GRB10: variants seen among roughly 807,000 people sequenced by gnomAD.
GRB10 encodes growth factor receptor bound protein 10.
A neutral mutation model predicts 80.9 loss-of-function variants in GRB10; 20 were observed. That is an observed-to-expected ratio of 0.25 (90% CI 0.17 to 0.36). GRB10 has a LOEUF of 0.36. Among genes scored for constraint, GRB10 ranks in the 10% least tolerant of loss-of-function variants. The pLI is 1.00. For synonymous variants in GRB10, 291 were observed against 291.5 expected (o/e 1.00, Z 0.02); for missense variants, 548 against 747.7 (o/e 0.73, Z 3.12).
chr7:50,697,322 G>A lies in GRB10; in HGVS notation c.139+6499C>T, dbSNP rs545811108. Among the ~76,000 whole-genome samples, 9 of 152,242 alleles carry A rather than the reference G, an allele frequency of 5.9e-5. 1 individual carries two copies. In the East Asian group the frequency reaches 1.2e-3, roughly 20 times the overall value. On this transcript the variant is annotated intron_variant, in intron 5 of 18. Coordinates refer to ENST00000401949, the MANE Select transcript of GRB10 (RefSeq NM_001350814.2). Reference sequence around the variant, plus strand: ...GTTTTATATATTTTTAATAAAGAAAGGTTTTTTCAAAATCGTCAAAAGTAA... The same window carrying A: ...GTTTTATATATTTTTAATAAAGAAAAGTTTTTTCAAAATCGTCAAAAGTAA...
Position 50,689,820 on chromosome 7 carries a change from T to A in GRB10, c.139+14001A>T, listed in dbSNP as rs148918720. Among the ~76,000 whole-genome samples, 163 of 152,214 alleles carry A rather than the reference T, an allele frequency of 1.1e-3. 1 individual carries two copies. The highest frequency in any genetic ancestry group is 3.7e-3 in the African/African-American group (155 of 41,550). ...TTCTGTAGCAAATGACAGAGGGTTT[T>A]TTTTTTTATTTTTTACTTGTAATCT... On this transcript the variant is annotated intron_variant, in intron 5 of 18. Coordinates refer to ENST00000401949, the MANE Select transcript of GRB10 (RefSeq NM_001350814.2).
rs150523117 is a variant in GRB10, at chr7:50,656,662, C to G, written c.504+13060G>C. On this transcript the variant is annotated intron_variant, in intron 7 of 18. Transcript: ENST00000401949. The stretch of plus-strand genomic sequence containing the variant: ...CCACCTGGGACACAGAGTTCCACCC[C>G]TGCTGGGGAAGGCAGGCTTCCAAAG... 3.3e-3 allele frequency among the ~76,000 whole-genome samples: 504 copies of G among 152,374 alleles called. 1 individual carries two copies. Among genetic ancestry groups the G allele is most frequent in the African/African-American group, 0.011 (469 of 41,592 alleles).
chr7:50,679,530 ATGT>A (rs2153646773), intron 5 of GRB10, among the ~76,000 whole-genome samples: 1 of 152,328 alleles, frequency 6.6e-6, no homozygotes, highest in South Asian at 2.1e-4. Context: ...ACATAAGGAC[ATGT>A]TATTTGCACC....
chr7:50,651,095 T>C (rs1380323355), intron 7 of GRB10, among the ~76,000 whole-genome samples: 1 of 152,236 alleles, frequency 6.6e-6, no homozygotes, highest in Non-Finnish European at 1.5e-5. Context: ...AATTAATTAT[T>C]CAACTATATA....
At chr7:50,757,285 G>A (rs143694610) in intron 2 of GRB10, among the ~76,000 whole-genome samples, 25 of 152,280 alleles carry the variant, frequency 1.6e-4, no homozygotes, top group African/African-American at 5.8e-4. Context: ...TCTCTCTCAC[G>A]GAGCTTTTAT....
At chr7:50,624,364 G>A (rs569400333) in intron 8 of GRB10, among the ~76,000 whole-genome samples, 3 of 152,328 alleles carry the variant, frequency 2.0e-5, no homozygotes, top group East Asian at 3.9e-4. Context: ...CCTTTCCAAC[G>A]GGGATAAAGC....
At chr7:50,743,569 G>A (rs913153536) in intron 3 of GRB10, among the ~76,000 whole-genome samples, 1 of 152,202 alleles carries the variant, frequency 6.6e-6, no homozygotes, top group African/African-American at 2.4e-5. Context: ...CGATGAGAAA[G>A]AATCCAAGTA....
chr7:50,757,872 A>G (rs142757262), intron 2 of GRB10, among the ~76,000 whole-genome samples: 56 of 152,322 alleles, frequency 3.7e-4, no homozygotes, highest in African/African-American at 1.3e-3. Flanking sequence ...CCACTTCCCA[A>G]GGCATCTTCA....
At chr7:50,693,322 T>C (rs2063050428) in intron 5 of GRB10, among the ~76,000 whole-genome samples, 1 of 152,224 alleles carries the variant, frequency 6.6e-6, no homozygotes, top group South Asian at 2.1e-4. Flanking sequence ...CACTAAGAAA[T>C]TGGTGCTTCT....
intron 7 of GRB10, among the ~76,000 whole-genome samples, chr7:50,649,540 C>T (rs1190986400): frequency 6.6e-6 from 1 of 152,164 alleles, no homozygotes; most frequent in African/African-American, 2.4e-5. Context: ...ACTGTACACC[C>T]CACAGGGGAG....
intron 2 of GRB10, among the ~76,000 whole-genome samples, chr7:50,770,149 G>A (rs529644679): frequency 1.3e-5 from 2 of 152,274 alleles, no homozygotes; most frequent in East Asian, 1.9e-4. Flanking sequence ...AGACTCAGGC[G>A]ACTGAAGCTA....
intron 8 of GRB10, among the ~76,000 whole-genome samples, chr7:50,624,741 T>C (rs2153588769): frequency 6.6e-6 from 1 of 152,268 alleles, no homozygotes; most frequent in South Asian, 2.1e-4. Context: ...GAAAGAAAAC[T>C]GAGGAAGGAG....
intron 13 of GRB10, among the ~76,000 whole-genome samples, chr7:50,611,790 G>T (rs2049577456): frequency 6.6e-6 from 1 of 152,158 alleles, no homozygotes; most frequent in African/African-American, 2.4e-5. Flanking sequence ...CAGCTCAAAG[G>T]CCACTACAGT....
chr7:50,706,818 G>C (rs1202161845), intron 4 of GRB10, among the ~76,000 whole-genome samples: 3 of 152,120 alleles, frequency 2.0e-5, no homozygotes, highest in Non-Finnish European at 4.4e-5. Flanking sequence ...CAGTTACCTG[G>C]ATTCTCTGAG....
chr7:50,751,976 G>C (rs2074180970), intron 3 of GRB10, among the ~76,000 whole-genome samples: 1 of 152,132 alleles, frequency 6.6e-6, no homozygotes, highest in Non-Finnish European at 1.5e-5. Context: ...TCTGTTTAAA[G>C]ACACTTTACT....
intron 7 of GRB10, among the ~76,000 whole-genome samples, chr7:50,649,693 G>A (rs551481171): frequency 6.6e-6 from 1 of 152,232 alleles, no homozygotes; most frequent in African/African-American, 2.4e-5. Flanking sequence ...GTCCCAGGCT[G>A]GGACTGGAGA....
At chr7:50,779,481 A>T (rs1209915186) in intron 2 of GRB10, 2 of 152,234 alleles carry the variant, frequency 1.3e-5, no homozygotes, top group African/African-American at 4.8e-5. Context: ...TTTATTGTTC[A>T]GTCAACACAG....
chr7:50,653,438 TG>T (rs1171067118), intron 7 of GRB10, among the ~76,000 whole-genome samples: 1 of 152,212 alleles, frequency 6.6e-6, no homozygotes. Flanking sequence ...CCGCTGCAAC[TG>T]GGACAGCCAA....
intron 7 of GRB10, among the ~76,000 whole-genome samples, chr7:50,634,730 G>T (rs1009693315): frequency 6.6e-6 from 1 of 152,178 alleles, no homozygotes; most frequent in South Asian, 2.1e-4. Context: ...ATGTGAGCAG[G>T]AGTAGCCATT....
Sources: gnomAD v4.1 joint callset for allele counts (sites outside exome capture counted in the v4.1 genomes callset) on GRCh38, gnomAD v4.1.1 for gene constraint, MANE v1.5 for transcripts, NCBI Gene and HGNC (gene_info 2026-07-23, HGNC 2026-07-21) for gene names.